The following RFX2 variants were observed in gnomAD, a reference collection of about 807,000 sequenced individuals.
RFX2 encodes DNA-binding protein RFX2.
A neutral mutation model predicts 87.8 loss-of-function variants in RFX2; 20 were observed. That is an observed-to-expected ratio of 0.23 (90% confidence interval 0.16 to 0.33). The LOEUF (loss-of-function observed/expected upper bound fraction) is 0.33, where lower values mean the gene tolerates loss of function less well. Ranked by LOEUF, RFX2 falls within the 10% of genes least tolerant of loss-of-function variation. The pLI, the probability that RFX2 is intolerant of heterozygous loss-of-function variation, is 1.00. For synonymous variants in RFX2, 397 were observed against 431.3 expected, an observed-to-expected ratio of 0.92 and a Z score of 0.98; for missense variants, 767 against 1,012.3, an observed-to-expected ratio of 0.76 and a Z score of 3.29.
chr19:6,033,626 A>AAC (rs1319828133), intron 5 of RFX2, among the ~76,000 whole-genome samples: 106 of 151,796 alleles, frequency 7.0e-4, no homozygotes, highest in African/African-American at 2.4e-3. Flanking sequence ...AAAAAAAAAA[A>AAC]AAAAAAAAAA....
At chr19:6,035,543 G>A (rs2087010627) in intron 5 of RFX2, among the ~76,000 whole-genome samples, 1 of 152,122 alleles carries the variant, frequency 6.6e-6, no homozygotes, top group African/African-American at 2.4e-5. Context: ...GGAATCACTC[G>A]TCGAGGCTAC....
Position 6,023,678 on chromosome 19 carries a change from GGGAAGCGACCTGA to G in RFX2, c.597+2472_597+2484del, listed in dbSNP as rs1306071013. Among the ~76,000 whole-genome samples the G allele has an allele frequency of 5.9e-5, 9 of 152,306 alleles. No individual in the cohort carries two copies. Among genetic ancestry groups the G allele is most frequent in the African/African-American group, 2.2e-4 (9 of 41,564 alleles). On this transcript the variant is annotated intron_variant, in intron 6 of 17. Transcript: ENST00000303657. This position sits in a 1 kb window ranked among gnomAD's most constrained non-coding sequence, Gnocchi z 4.9. ...AGCTCGGGAATACGAATCTTCATCG[GGGAAGCGACCTGA>G]GAAAGTCTGCCTTTCGGATGAAGTG...
chr19:6,106,850 T>C (rs10416794), intron 1 of RFX2, among the ~76,000 whole-genome samples: 32,665 of 147,822 alleles, frequency 0.22, 6,608 homozygotes, highest in African/African-American at 0.54. Flanking sequence ...ATATATTATA[T>C]ATACATGTTT....
intron 5 of RFX2, among the ~76,000 whole-genome samples, chr19:6,030,241 C>T (rs189286548): frequency 5.5e-4 from 84 of 152,200 alleles, no homozygotes; most frequent in Non-Finnish European, 8.4e-4. Context: ...AGAGAGAATC[C>T]TAGAAGCAGT....
chr19:6,077,476 A>G (rs1300678789), intron 1 of RFX2, among the ~76,000 whole-genome samples: 1 of 152,208 alleles, frequency 6.6e-6, no homozygotes, highest in African/African-American at 2.4e-5. Flanking sequence ...GCATTTCTCA[A>G]GACTTACGAG....
intron 5 of RFX2, among the ~76,000 whole-genome samples, chr19:6,031,627 A>T (rs1252221821): frequency 2.6e-5 from 4 of 151,556 alleles, no homozygotes; most frequent in South Asian, 2.1e-4. Context: ...GTGGGGTTTC[A>T]CCATGTTGGC....
At chr19:6,025,787 T>C (rs866663408) in intron 6 of RFX2, among the ~76,000 whole-genome samples, 61 of 147,110 alleles carry the variant, frequency 4.1e-4, no homozygotes, top group Non-Finnish European at 5.0e-4. Flanking sequence ...TCTTCTTCTT[T>C]TTTTTTTTTT....
intron 1 of RFX2, among the ~76,000 whole-genome samples, chr19:6,086,973 C>T (rs2087863265): frequency 6.6e-6 from 1 of 152,032 alleles, no homozygotes; most frequent in Admixed American, 6.5e-5. Flanking sequence ...GATTAAAAAC[C>T]ACTGGGCTAC....
chr19:6,069,588 A>G (rs536721357), intron 1 of RFX2, among the ~76,000 whole-genome samples: 1 of 152,374 alleles, frequency 6.6e-6, no homozygotes, highest in East Asian at 1.9e-4. Flanking sequence ...TAGAGATCCC[A>G]AAGAAGCAGG....
Position 6,010,279 on chromosome 19 carries a change from G to A in RFX2, c.900-28C>T, listed in dbSNP as rs963196991. ...AGGCCAGGAACACGCATACCATCAT[G>A]AGGCCCAGCAGCCCTGCTGCGGGTG... On this transcript the variant is annotated intron_variant, in intron 8 of 17. Transcript: ENST00000303657. The surrounding 1 kb of genome is among the most constrained non-coding windows in gnomAD (Gnocchi z 5.0). 2.1e-6 allele frequency: 3 copies of A among 1,460,682 alleles called. No individual in the cohort carries two copies. The highest frequency in any genetic ancestry group is 2.0e-5 in the Admixed American group (1 of 50,902). The allele number at this position is 1,460,682 out of a possible 1,614,324, so 90.5% of individuals were successfully genotyped here.
rs1460885439 is a variant in RFX2 at position 6,017,325 on chromosome 19, G to GAGAACT, written c.598-1060_598-1055dup. On this transcript the variant is annotated intron_variant, in intron 6 of 17. Transcript: ENST00000303657. This position sits in a 1 kb window ranked among gnomAD's most constrained non-coding sequence, Gnocchi z 4.1. ...GTGAACATCCAGTTAGAAGGGCTGCGAGAACTGTCCACACGAAGAGCTCAG... is the reference window on the plus strand; with the variant it reads ...GTGAACATCCAGTTAGAAGGGCTGCGAGAACTAGAACTGTCCACACGAAGAGCTCAG... Among the ~76,000 whole-genome samples the GAGAACT allele has an allele frequency of 2.0e-5, 3 of 152,196 alleles. No homozygotes were observed. The East Asian group carries it at 5.8e-4, about 29-fold the overall frequency.
Position 6,044,372 on chromosome 19 carries a change from A to G in RFX2, c.91-90T>C. 1.2e-6 allele frequency: 1 copy of G among 856,762 alleles called. No individual in the cohort carries two copies. Among genetic ancestry groups the G allele is most frequent in the Non-Finnish European group, 1.7e-6 (1 of 596,366 alleles). 53.1% of individuals were successfully genotyped at this position (856,762 alleles called of 1,614,324 possible). A position where few individuals can be genotyped will look rare whatever the true frequency, so the allele number is the denominator to read the frequency against. The stretch of plus-strand genomic sequence containing the variant: ...AATGTAAGATGCTGTTTGTCTGTTC[A>G]TGTGCTTTTTATTAAAACATAGGCA... On this transcript the variant is annotated intron_variant, in intron 2 of 17. Coordinates refer to ENST00000303657, the MANE Select transcript of RFX2 (RefSeq NM_000635.4). This position sits in a 1 kb window ranked among gnomAD's most constrained non-coding sequence, Gnocchi z 5.3.
Position 5,997,328 on chromosome 19 carries a change from AG to A in RFX2, c.1860-116del. ...GCTCTACGTTCCCTGGGGAACCCAG[AG>A]GCTGAGTGATCCTAAGACGTGCAGG... On this transcript the variant is annotated intron_variant, in intron 15 of 17. Coordinates refer to ENST00000303657, the MANE Select transcript of RFX2 (RefSeq NM_000635.4). This position sits in a 1 kb window ranked among gnomAD's most constrained non-coding sequence, Gnocchi z 4.2. 8.3e-7 allele frequency: 1 copy of A among 1,211,776 alleles called. No individual in the cohort carries two copies. Among genetic ancestry groups the A allele is most frequent in the Admixed American group, 2.7e-5 (1 of 36,560 alleles). 75.1% of individuals were successfully genotyped at this position (1,211,776 alleles called of 1,614,324 possible).
chr19:6,013,019 G>A lies in RFX2; in HGVS notation c.866C>T (p.Ala289Val), dbSNP rs1291397568. 3 of 1,599,518 alleles carry A rather than the reference G, an allele frequency of 1.9e-6. No individual in the cohort carries two copies. Among genetic ancestry groups the A allele is most frequent in the East Asian group, 2.3e-5 (1 of 44,074 alleles). The change falls in exon 8 of 18, where the codon GCC (alanine) becomes GTC (valine). Residue 289 changes from alanine (A) to valine (V), a missense_variant. By Grantham distance (64) the Ala-to-Val change is moderately conservative. Transcript: ENST00000303657. The surrounding 1 kb of genome is among the most constrained non-coding windows in gnomAD (Gnocchi z 4.1). Reference sequence around the variant, plus strand: ...CTGGTGCATGGGCTGCTGCCGCATGGCCATGTACTGCGTGTCCTCCTGCAG... The same window carrying A: ...CTGGTGCATGGGCTGCTGCCGCATGACCATGTACTGCGTGTCCTCCTGCAG... ...NRLQEDTQYMAMRQQPMHQKP... is the reference protein window; with the variant it reads ...NRLQEDTQYMVMRQQPMHQKP...
Position 6,050,925 on chromosome 19 carries a change from A to AC in RFX2, c.-8-3422dup, listed in dbSNP as rs1382838358. Among the ~76,000 whole-genome samples, 1 of 152,196 alleles carries AC rather than the reference A, an allele frequency of 6.6e-6. No homozygotes were observed. The highest frequency in any genetic ancestry group is 1.5e-5 in the Non-Finnish European group (1 of 68,038). On this transcript the variant is annotated intron_variant, in intron 1 of 17. Transcript: ENST00000303657. The surrounding 1 kb of genome is among the most constrained non-coding windows in gnomAD (Gnocchi z 4.6). ...AAAAACTACATATTATATTCGGAGA[A>AC]CAAGGGCACAGATGATGACTGGCTT...
Position 6,037,289 on chromosome 19 carries a change from G to GAA in RFX2, c.522+2689_522+2690dup, listed in dbSNP as rs57278741. Among the ~76,000 whole-genome samples, 71 of 102,430 alleles carry GAA rather than the reference G, an allele frequency of 6.9e-4. 1 individual carries two copies. Among genetic ancestry groups the GAA allele is most frequent in the South Asian group, 2.2e-3 (7 of 3,184 alleles). The allele number at this position is 102,430 out of a possible 152,430, so 67.2% of individuals were successfully genotyped here. ...ACAGAGAGAGACTCTGTCTCAAAAA[G>GAA]AAAAAAAAAAAAAAAAGTGAGTTCA... On this transcript the variant is annotated intron_variant, in intron 5 of 17. Coordinates refer to ENST00000303657, the MANE Select transcript of RFX2 (RefSeq NM_000635.4).
In RFX2 at chr19:6,004,111, G is replaced by T; in HGVS notation, c.1500+90C>A. The T allele has an allele frequency of 2.0e-6, 2 of 985,332 alleles. No individual in the cohort carries two copies. The highest frequency in any genetic ancestry group is 1.3e-5 in the South Asian group (1 of 77,722). The allele number at this position is 985,332 out of a possible 1,614,324, so 61.0% of individuals were successfully genotyped here. A position where few individuals can be genotyped will look rare whatever the true frequency, so the allele number is the denominator to read the frequency against. On this transcript the variant is annotated intron_variant, in intron 13 of 17. Coordinates refer to ENST00000303657, the MANE Select transcript of RFX2 (RefSeq NM_000635.4). This position sits in a 1 kb window ranked among gnomAD's most constrained non-coding sequence, Gnocchi z 4.8. ...CTCATGACGCAGGGAAGAAGCCAGC[G>T]CTCTCTGGGACACAGTGGTCCTCAT... is the stretch of plus-strand genomic sequence containing the variant.
intron 1 of RFX2, chr19:6,049,375 A>G (rs1477418271): frequency 6.6e-6 from 1 of 152,210 alleles, no homozygotes; most frequent in African/African-American, 2.4e-5. Context: ...ATTTTGCTCC[A>G]AACTCCAGAC....
intron 12 of RFX2, among the ~76,000 whole-genome samples, chr19:6,005,563 C>T (rs1408066383): frequency 6.6e-6 from 1 of 152,212 alleles, no homozygotes; most frequent in Non-Finnish European, 1.5e-5. Flanking sequence ...GGGAGGTCTC[C>T]AAGGGCACGA....
Sources: allele counts gnomAD v4.1 joint callset (sites outside exome capture counted in the v4.1 genomes callset), GRCh38; gene constraint gnomAD v4.1.1; non-coding constraint Gnocchi (gnomAD v3.1); transcripts MANE v1.5; gene names NCBI Gene and HGNC (gene_info 2026-07-23, HGNC 2026-07-21).